CCL22: variants seen among roughly 807,000 people sequenced by gnomAD.
CCL22 encodes the protein C-C motif chemokine 22.
Under a neutral mutation model 7.6 loss-of-function variants are expected in CCL22, and 7 were observed. The ratio of observed to expected loss-of-function variants is 0.92; its 90% CI spans 0.52 to 1.72. CCL22 has a LOEUF of 1.72. Among genes scored for constraint, CCL22 ranks in the 40% most tolerant of loss-of-function variants. CCL22 has a pLI of 0.00. For synonymous variants in CCL22, 55 were observed against 47.2 expected, an observed-to-expected ratio of 1.17 and a Z score of -0.68; for missense variants, 115 against 124.7, an observed-to-expected ratio of 0.92 and a Z score of 0.37.
At chr16:57,363,426 A>G in intron 2 of CCL22, 78 bp from the exon 3 acceptor site, 1 of 897,296 alleles carries the variant, frequency 1.1e-6, no homozygotes, top group Non-Finnish European at 1.8e-6. Context: ...TGGCTCATAA[A>G]TGCTAAGCTC....
intron 2 of CCL22, among the ~76,000 whole-genome samples, chr16:57,360,912 A>G (rs1455468732): frequency 2.6e-5 from 4 of 152,122 alleles, no homozygotes; most frequent in Admixed American, 2.0e-4. Context: ...TAGCAGGTAT[A>G]GGAGTATACC....
chr16:57,358,782 TGCAGACACCTGG>T lies in CCL22; in HGVS notation c.-32_-21del. 6.5e-7 allele frequency: 1 copy of T among 1,532,954 alleles called. No homozygotes were observed. Among genetic ancestry groups the T allele is most frequent in the Non-Finnish European group, 9.0e-7 (1 of 1,105,954 alleles). The allele number at this position is 1,532,954 out of a possible 1,614,324, so 95.0% of individuals were successfully genotyped here. ...AATAGCAGGTCTTCCTATGTCCCTT[TGCAGACACCTGG>T]GCTGAGACATACAGGACAGAGCATG... On this transcript the variant is annotated 5_prime_UTR_variant, in exon 1 of 3. Transcript: ENST00000219235.
rs1902105525 is a variant in CCL22, at chr16:57,365,905, C to T, written c.*2317C>T. 6.6e-6 allele frequency: 1 copy of T among 152,254 alleles called. No homozygotes were observed. Among genetic ancestry groups the T allele is most frequent in the African/African-American group, 2.4e-5 (1 of 41,442 alleles). 9.4% of individuals were successfully genotyped at this position (152,254 alleles called of 1,614,324 possible). A position where few individuals can be genotyped will look rare whatever the true frequency, so the allele number is the denominator to read the frequency against. ...GGAATTGGAGGAGGCCATTTCACTCCCTGAACCCAGCCTGACAAATCACAG... is the reference window on the plus strand; with the variant it reads ...GGAATTGGAGGAGGCCATTTCACTCTCTGAACCCAGCCTGACAAATCACAG... On this transcript the variant is annotated 3_prime_UTR_variant, in exon 3 of 3. Transcript: ENST00000219235.
chr16:57,363,503 G>C lies in CCL22; in HGVS notation c.198-1G>C. ...TTGTCTCTGGGGTCTCCTTCTTCCA[G>C]GTTGCTAACCTTCAGGGATAAGGAG... On this transcript the variant is annotated splice_acceptor_variant, in intron 2 of 2. Coordinates refer to ENST00000219235, the MANE Select transcript of CCL22 (RefSeq NM_002990.5). LOFTEE classifies it high-confidence loss of function. The C allele has an allele frequency of 6.2e-7, 1 of 1,609,134 alleles. No homozygotes were observed. The highest frequency in any genetic ancestry group is 8.5e-7 in the Non-Finnish European group (1 of 1,175,618).
intron 2 of CCL22, among the ~76,000 whole-genome samples, chr16:57,361,249 ACT>A (rs1902045769): frequency 1.2e-5 from 1 of 85,802 alleles, no homozygotes; most frequent in Admixed American, 1.4e-4. Context: ...ACAGAGGGAG[ACT>A]CTGTCTCAAA....
intron 2 of CCL22, among the ~76,000 whole-genome samples, chr16:57,361,862 A>G (rs1902053680): frequency 6.6e-6 from 1 of 152,160 alleles, no homozygotes; most frequent in African/African-American, 2.4e-5. Flanking sequence ...TGAATAATAA[A>G]AAAGGCTGAA....
upstream of CCL22, among the ~76,000 whole-genome samples, chr16:57,358,372 G>T (rs1902011020): frequency 6.6e-6 from 1 of 152,198 alleles, no homozygotes; most frequent in Admixed American, 6.5e-5. Flanking sequence ...TACAAGACAG[G>T]CCTCAATTCT....
intron 2 of CCL22, among the ~76,000 whole-genome samples, chr16:57,360,889 G>C (rs1902041801): frequency 6.6e-6 from 1 of 152,206 alleles, no homozygotes; most frequent in Non-Finnish European, 1.5e-5. Context: ...GTGGCATCTA[G>C]GGTATTTGGG....
chr16:57,363,625 A>G lies in CCL22; in HGVS notation c.*37A>G. The G allele has an allele frequency of 3.0e-6, 4 of 1,320,186 alleles. No individual in the cohort carries two copies. Among genetic ancestry groups the G allele is most frequent in the Non-Finnish European group, 4.4e-6 (4 of 913,388 alleles). 81.8% of individuals were successfully genotyped at this position (1,320,186 alleles called of 1,614,324 possible). A position where few individuals can be genotyped will look rare whatever the true frequency, so the allele number is the denominator to read the frequency against. The stretch of plus-strand genomic sequence containing the variant: ...TGATGACCGTGGCCTTGGCTCCTCC[A>G]GGAAGGCTCAGGAGCCCTACCTCCC... On this transcript the variant is annotated 3_prime_UTR_variant, in exon 3 of 3. Transcript: ENST00000219235.
rs1316595468 is a variant in CCL22 at position 57,365,217 on chromosome 16, C to T, written c.*1629C>T. 2 of 152,040 alleles carry T rather than the reference C, an allele frequency of 1.3e-5. No individual in the cohort carries two copies. The highest frequency in any genetic ancestry group is 2.9e-5 in the Non-Finnish European group (2 of 68,068). 9.4% of individuals were successfully genotyped at this position (152,040 alleles called of 1,614,324 possible). A position where few individuals can be genotyped will look rare whatever the true frequency, so the allele number is the denominator to read the frequency against. On this transcript the variant is annotated 3_prime_UTR_variant, in exon 3 of 3. Coordinates refer to ENST00000219235, the MANE Select transcript of CCL22 (RefSeq NM_002990.5). ...TTTTTTTGGGTGGTCCTCCAACCTC[C>T]AATACCCAGGCCTGGCCTCTTCAGA...
In CCL22 at chr16:57,362,904, A is replaced by G. The variant is rs529871766; in HGVS notation, c.198-600A>G. On this transcript the variant is annotated intron_variant, in intron 2 of 2. Transcript: ENST00000219235. ...CAAAACAAAAACAAAAACAAAACCC[A>G]ACTCTTGGGGATTCTATTTCATGGC... Among the ~76,000 whole-genome samples the G allele has an allele frequency of 2.4e-3, 364 of 151,444 alleles. 2 individuals are homozygous for G. The highest frequency in any genetic ancestry group is 8.4e-3 in the African/African-American group (349 of 41,342).
At position 57,360,511 on chromosome 16, in the gene CCL22, G is replaced by A; in HGVS notation, c.148G>A (p.Val50Met). 6.2e-7 allele frequency: 1 copy of A among 1,614,222 alleles called. No homozygotes were observed. Among genetic ancestry groups the A allele is most frequent in the Non-Finnish European group, 8.5e-7 (1 of 1,180,032 alleles). ...CCGTTACCGTCTGCCCCTGCGCGTGGTGAAACACTTCTACTGGACCTCAGA... is the reference window on the plus strand; with the variant it reads ...CCGTTACCGTCTGCCCCTGCGCGTGATGAAACACTTCTACTGGACCTCAGA... Reference protein sequence around the residue: ...YVRYRLPLRVVKHFYWTSDSC... With the variant: ...YVRYRLPLRVMKHFYWTSDSC... The change falls in exon 2 of 3, where the codon GTG becomes ATG. Residue 50 changes from valine (V) to methionine (M), a missense_variant. By Grantham distance (21) the Val-to-Met change is conservative. Transcript: ENST00000219235.
rs1395902208 is a variant in CCL22 at position 57,360,504 on chromosome 16, G to T, written c.141G>T (p.Leu47=). The T allele has an allele frequency of 6.2e-7, 1 of 1,614,108 alleles. No individual in the cohort carries two copies. Among genetic ancestry groups the T allele is most frequent in the Non-Finnish European group, 8.5e-7 (1 of 1,180,042 alleles). The part of the protein sequence containing the change: ...CRDYVRYRLP[L]RVVKHFYWTS... The stretch of plus-strand genomic sequence containing the variant: ...ATTACGTCCGTTACCGTCTGCCCCT[G>T]CGCGTGGTGAAACACTTCTACTGGA... Residue 47 remains leucine (L), a synonymous_variant, in exon 2 of 3, where the codon CTG becomes CTT. Coordinates refer to ENST00000219235, the MANE Select transcript of CCL22 (RefSeq NM_002990.5).
chr16:57,363,849 C>T lies in CCL22; in HGVS notation c.*261C>T. ...CAGCGATTCCCCTGCTTAAACCCTT[C>T]CATGACTCCCCACTGCCCTAAGCTG... On this transcript the variant is annotated 3_prime_UTR_variant, in exon 3 of 3. Transcript: ENST00000219235. 2.4e-6 allele frequency: 1 copy of T among 419,964 alleles called. No homozygotes were observed. The highest frequency in any genetic ancestry group is 4.4e-6 in the Non-Finnish European group (1 of 227,408). 26.0% of individuals were successfully genotyped at this position (419,964 alleles called of 1,614,324 possible).
At chr16:57,358,685 G>A (rs1902014952), upstream of CCL22, 3 of 712,900 alleles carry the variant, frequency 4.2e-6, no homozygotes, top group Non-Finnish European at 7.7e-6. Flanking sequence ...AGATGTGAAT[G>A]TCAAGTGACT....
In CCL22 at chr16:57,358,881, CTGAGGCAGG is replaced by C; in HGVS notation, c.72_73+7del. 1 of 1,613,382 alleles carries C rather than the reference CTGAGGCAGG, an allele frequency of 6.2e-7. No individual in the cohort carries two copies. Among genetic ancestry groups the C allele is most frequent in the Non-Finnish European group, 8.5e-7 (1 of 1,179,750 alleles). On this transcript the variant is annotated splice_donor_variant and coding_sequence_variant, in exon 1 of 3. Coordinates refer to ENST00000219235, the MANE Select transcript of CCL22 (RefSeq NM_002990.5). LOFTEE classifies it high-confidence loss of function. ...CTCCTTGCTGTGGCGCTTCAAGCAA[CTGAGGCAGG>C]TGAGGCTGGGGAGCAGGAAGACCCC...
rs748264518 is a variant in CCL22 at position 57,360,455 on chromosome 16, T to C, written c.92T>C (p.Met31Thr). ...CCCCTAGGCCCCTACGGCGCCAACA[T>C]GGAAGACAGCGTCTGCTGCCGTGAT... is the stretch of plus-strand genomic sequence containing the variant. The part of the protein sequence containing the change: ...ATEAGPYGAN[M>T]EDSVCCRDYV... Residue 31 changes from methionine (M) to threonine (T), a missense_variant, in exon 2 of 3, where the codon ATG (methionine) becomes ACG (threonine). Physicochemically the swap from Met to Thr is moderately conservative, Grantham distance 81 (BLOSUM62 -1). Transcript: ENST00000219235. 6 of 1,614,224 alleles carry C rather than the reference T, an allele frequency of 3.7e-6. No homozygotes were observed. In the East Asian group the frequency reaches 1.3e-4, roughly 36 times the overall value.
Position 57,363,876 on chromosome 16 carries a change from G to A in CCL22, c.*288G>A, listed in dbSNP as rs1207334712. The A allele has an allele frequency of 6.2e-6, 2 of 325,032 alleles. No individual in the cohort carries two copies. Among genetic ancestry groups the A allele is most frequent in the African/African-American group, 4.2e-5 (2 of 48,042 alleles). The allele number at this position is 325,032 out of a possible 1,614,324, so 20.1% of individuals were successfully genotyped here. A position where few individuals can be genotyped will look rare whatever the true frequency, so the allele number is the denominator to read the frequency against. ...ATGACTCCCCACTGCCCTAAGCTGAGGTCAGTCTCCCAAGCCTGGCATGTG... is the reference window on the plus strand; with the variant it reads ...ATGACTCCCCACTGCCCTAAGCTGAAGTCAGTCTCCCAAGCCTGGCATGTG... On this transcript the variant is annotated 3_prime_UTR_variant, in exon 3 of 3. Coordinates refer to ENST00000219235, the MANE Select transcript of CCL22 (RefSeq NM_002990.5).
Position 57,363,920 on chromosome 16 carries a change from C to T in CCL22, c.*332C>T, listed in dbSNP as rs888874177. 4 of 253,530 alleles carry T rather than the reference C, an allele frequency of 1.6e-5. No homozygotes were observed. In the South Asian group the frequency reaches 2.8e-4, roughly 17 times the overall value. 15.7% of individuals were successfully genotyped at this position (253,530 alleles called of 1,614,324 possible). On this transcript the variant is annotated 3_prime_UTR_variant, in exon 3 of 3. Transcript: ENST00000219235. The stretch of plus-strand genomic sequence containing the variant: ...GCATGTGGCCCTCTGGATCTGGGTT[C>T]CATCTCTGTCTCCAGCCTGCCCACT...
Sources: allele counts gnomAD v4.1 joint callset (sites outside exome capture counted in the v4.1 genomes callset), GRCh38; gene constraint gnomAD v4.1.1; transcripts MANE v1.5; gene names NCBI Gene and HGNC (gene_info 2026-07-23, HGNC 2026-07-21).